CBLB: variants seen among roughly 807,000 people sequenced by gnomAD.
CBLB encodes the protein E3 ubiquitin-protein ligase CBL-B.
Under a neutral mutation model 104.9 loss-of-function variants are expected in CBLB, and 31 were observed. That is an observed-to-expected ratio of 0.30 (90% confidence interval 0.22 to 0.40). CBLB has a LOEUF of 0.40. CBLB is among the 10% of genes least tolerant of loss of function. The pLI is 1.00. For synonymous variants in CBLB, 440 were observed against 422.6 expected (o/e 1.04, Z -0.51); for missense variants, 1,062 against 1,214.6 (o/e 0.87, Z 1.87).
intron 3 of CBLB, among the ~76,000 whole-genome samples, chr3:105,806,644 T>C (rs1235981648): frequency 6.6e-6 from 1 of 152,078 alleles, no homozygotes; most frequent in South Asian, 2.1e-4. Context: ...CCATGGGAAG[T>C]AGGCATGTCA....
In CBLB at chr3:105,768,048, T is replaced by C. The variant is rs546849472; in HGVS notation, c.566+8348A>G. Among the ~76,000 whole-genome samples the C allele has an allele frequency of 1.5e-3, 234 of 152,332 alleles. 1 individual carries two copies. Among genetic ancestry groups the C allele is most frequent in the African/African-American group, 5.1e-3 (212 of 41,578 alleles). ...TCTGAATTAAATGTACAATGGTTCCTGAAAGCCTGTATATAAAACATTGTG... is the reference window on the plus strand; with the variant it reads ...TCTGAATTAAATGTACAATGGTTCCCGAAAGCCTGTATATAAAACATTGTG... On this transcript the variant is annotated intron_variant, in intron 4 of 18. Coordinates refer to ENST00000394030, the MANE Select transcript of CBLB (RefSeq NM_170662.5).
chr3:105,862,053 T>A (rs937522752), intron 2 of CBLB, among the ~76,000 whole-genome samples: 1 of 152,172 alleles, frequency 6.6e-6, no homozygotes, highest in Non-Finnish European at 1.5e-5. Flanking sequence ...CACTAATCTA[T>A]GTAGGATTCT....
chr3:105,709,209 A>G (rs1328511990), intron 10 of CBLB, among the ~76,000 whole-genome samples: 2 of 151,998 alleles, frequency 1.3e-5, no homozygotes, highest in Non-Finnish European at 2.9e-5. Flanking sequence ...ATTTAACATG[A>G]TTAGGCTTTC....
intron 9 of CBLB, among the ~76,000 whole-genome samples, chr3:105,728,692 C>T (rs2073967049): frequency 6.6e-6 from 1 of 152,152 alleles, no homozygotes; most frequent in African/African-American, 2.4e-5. Flanking sequence ...AGTAGTATTA[C>T]TTCAAAGAAT....
At chr3:105,784,493 T>C (rs1278420090) in intron 3 of CBLB, among the ~76,000 whole-genome samples, 2 of 152,240 alleles carry the variant, frequency 1.3e-5, no homozygotes, top group Admixed American at 6.5e-5. Context: ...AAACTTGACA[T>C]TGAAACAACA....
At chr3:105,726,670 A>G (rs1465271926) in intron 9 of CBLB, among the ~76,000 whole-genome samples, 9 of 151,932 alleles carry the variant, frequency 5.9e-5, no homozygotes, top group Non-Finnish European at 2.9e-5. Context: ...AGTCATCTAC[A>G]TTAGGTATGT....
At chr3:105,711,613 G>A (rs1171696838) in intron 10 of CBLB, among the ~76,000 whole-genome samples, 1 of 152,062 alleles carries the variant, frequency 6.6e-6, no homozygotes, top group Non-Finnish European at 1.5e-5. Context: ...AGAATATTGT[G>A]TTAGAGCAAT....
chr3:105,765,333 G>A (rs1178493573), intron 4 of CBLB, among the ~76,000 whole-genome samples: 1 of 151,942 alleles, frequency 6.6e-6, no homozygotes, highest in Non-Finnish European at 1.5e-5. Context: ...CAAAATAAAG[G>A]TTGAAAAAGA....
chr3:105,862,356 T>C (rs1025636501), intron 2 of CBLB, among the ~76,000 whole-genome samples: 2 of 152,172 alleles, frequency 1.3e-5, no homozygotes, highest in African/African-American at 2.4e-5. Context: ...GTTCCTTACC[T>C]CATTAAGTGC....
At chr3:105,672,294 G>T (rs2065156593) in intron 17 of CBLB, 2 of 181,364 alleles carry the variant, frequency 1.1e-5, no homozygotes, top group Admixed American at 6.3e-5. Context: ...TATTTAAAAG[G>T]TACTAGATAC....
At position 105,691,761 on chromosome 3, in the gene CBLB, G is replaced by C. The variant is rs574770262; in HGVS notation, c.2054+1733C>G. 3.3e-5 allele frequency among the ~76,000 whole-genome samples: 5 copies of C among 152,252 alleles called. No individual in the cohort carries two copies. In the East Asian group the frequency reaches 9.6e-4, roughly 29 times the overall value. ...CCTGCTAAATATCTCGCAGTTCCAA[G>C]AGAAGTTCCCACTGGAGAATGATCT... On this transcript the variant is annotated intron_variant, in intron 13 of 18. Transcript: ENST00000394030.
At position 105,848,711 on chromosome 3, in the gene CBLB, A is replaced by G. The variant is rs2090587761; in HGVS notation, c.419+4703T>C. ...GGCAGAATCACATGAAGTAATACTG[A>G]TTAAGTCAATTAACTCCAAATTACT... On this transcript the variant is annotated intron_variant, in intron 3 of 18. Coordinates refer to ENST00000394030, the MANE Select transcript of CBLB (RefSeq NM_170662.5). Among the ~76,000 whole-genome samples the G allele has an allele frequency of 3.3e-5, 5 of 152,116 alleles. No individual in the cohort carries two copies. The South Asian group carries it at 1.0e-3, about 31-fold the overall frequency.
chr3:105,771,192 C>T (rs1399323581), intron 4 of CBLB, among the ~76,000 whole-genome samples: 1 of 152,112 alleles, frequency 6.6e-6, no homozygotes, highest in Non-Finnish European at 1.5e-5. Context: ...AAAACTAATA[C>T]ATCACAATCA....
intron 17 of CBLB, among the ~76,000 whole-genome samples, chr3:105,675,244 C>T (rs192400667): frequency 5.9e-5 from 9 of 152,202 alleles, no homozygotes; most frequent in Non-Finnish European, 8.8e-5. Flanking sequence ...GACTGAACAA[C>T]GAAAACAACG....
At chr3:105,746,520 A>C (rs964768820) in intron 5 of CBLB, among the ~76,000 whole-genome samples, 1 of 152,140 alleles carries the variant, frequency 6.6e-6, no homozygotes, top group Non-Finnish European at 1.5e-5. Flanking sequence ...ATTGTCTTGA[A>C]CAAAAAAGCC....
intron 12 of CBLB, among the ~76,000 whole-genome samples, chr3:105,698,106 TAGC>T (rs2068616970): frequency 4.6e-5 from 7 of 152,052 alleles, no homozygotes; most frequent in Admixed American, 4.6e-4. Context: ...CAATAACTCT[TAGC>T]TTGTAGATCC....
At chr3:105,661,212 C>T (rs2063761452) in intron 18 of CBLB, among the ~76,000 whole-genome samples, 1 of 152,134 alleles carries the variant, frequency 6.6e-6, no homozygotes, top group Non-Finnish European at 1.5e-5. Flanking sequence ...TATATAAGAA[C>T]ATATAATTTC....
chr3:105,737,708 G>T (rs961917898), intron 7 of CBLB, among the ~76,000 whole-genome samples: 3 of 152,174 alleles, frequency 2.0e-5, no homozygotes, highest in Middle Eastern at 6.8e-3. Flanking sequence ...CAGTTTTCTT[G>T]TAAGTTACTC....
At chr3:105,662,263 T>C (rs998025016) in intron 18 of CBLB, among the ~76,000 whole-genome samples, 2 of 152,206 alleles carry the variant, frequency 1.3e-5, no homozygotes, top group African/African-American at 4.8e-5. Flanking sequence ...TCATTTACTT[T>C]AGCACTTTCG....
Sources: gnomAD v4.1 joint callset for allele counts (sites outside exome capture counted in the v4.1 genomes callset) on GRCh38, gnomAD v4.1.1 for gene constraint, MANE v1.5 for transcripts, NCBI Gene and HGNC (gene_info 2026-07-23, HGNC 2026-07-21) for gene names.